Variants in NCAM2 observed in about 807,000 individuals in gnomAD.
The protein encoded by NCAM2 is N-CAM-2.
Under a neutral mutation model 98.1 loss-of-function variants are expected in NCAM2, and 30 were observed. The ratio of observed to expected loss-of-function variants is 0.31; its 90% CI spans 0.23 to 0.41. The LOEUF (loss-of-function observed/expected upper bound fraction) is 0.41. NCAM2 is among the 10% of genes least tolerant of loss of function. The pLI is 1.00. For synonymous variants in NCAM2, 368 were observed against 342.4 expected (o/e 1.07, Z -0.83); for missense variants, 867 against 1,005.8 (o/e 0.86, Z 1.87).
chr21:21,285,365 A>G (rs1270780127), intron 3 of NCAM2, among the ~76,000 whole-genome samples: 1 of 151,772 alleles, frequency 6.6e-6, no homozygotes, highest in East Asian at 1.9e-4. Flanking sequence ...TTGATGACCA[A>G]CGCAATTTGT....
intron 7 of NCAM2, 148 bp downstream of exon 7, chr21:21,335,813 G>C (rs144184033): frequency 1.3e-6 from 1 of 771,026 alleles, no homozygotes; most frequent in East Asian, 3.4e-5. Context: ...TCAGCTACCA[G>C]ATAGAATTTT....
intron 1 of NCAM2, among the ~76,000 whole-genome samples, chr21:21,112,658 G>A (rs1487381396): frequency 6.6e-6 from 1 of 152,142 alleles, no homozygotes; most frequent in African/African-American, 2.4e-5. Context: ...CCTATGAAGA[G>A]AAAACTTTTA....
At chr21:21,245,262 G>C (rs1422282407) in intron 1 of NCAM2, among the ~76,000 whole-genome samples, 1 of 151,934 alleles carries the variant, frequency 6.6e-6, no homozygotes, top group Non-Finnish European at 1.5e-5. Context: ...TGCTACACTC[G>C]CCATTTCCAT....
chr21:21,255,223 T>C (rs577773395), intron 1 of NCAM2, among the ~76,000 whole-genome samples: 1 of 152,236 alleles, frequency 6.6e-6, no homozygotes, highest in African/African-American at 2.4e-5. Context: ...CCCGAGTACG[T>C]TGGAGTACAC....
intron 9 of NCAM2, among the ~76,000 whole-genome samples, chr21:21,385,442 A>G (rs991655267): frequency 6.6e-6 from 1 of 151,692 alleles, no homozygotes; most frequent in Non-Finnish European, 1.5e-5. Context: ...ACAGTCTTAT[A>G]CCACCTGAAC....
At chr21:21,450,300 GTT>G (rs1980834913) in intron 12 of NCAM2, among the ~76,000 whole-genome samples, 1 of 149,852 alleles carries the variant, frequency 6.7e-6, no homozygotes, top group Non-Finnish European at 1.5e-5. Context: ...GTGTGTGTGT[GTT>G]TGTGTGTGTG....
At chr21:21,022,964 A>G (rs1283925373) in intron 1 of NCAM2, among the ~76,000 whole-genome samples, 1 of 152,188 alleles carries the variant, frequency 6.6e-6, no homozygotes, top group Non-Finnish European at 1.5e-5. Flanking sequence ...TTTACATAAA[A>G]TATTTACTTT....
chr21:21,246,766 T>C (rs2071285928), intron 1 of NCAM2, among the ~76,000 whole-genome samples: 1 of 152,222 alleles, frequency 6.6e-6, no homozygotes, highest in Non-Finnish European at 1.5e-5. Context: ...AAATTTTAAA[T>C]TTAAACATGC....
chr21:21,489,571 T>C (rs964107772), intron 15 of NCAM2, among the ~76,000 whole-genome samples: 1 of 152,160 alleles, frequency 6.6e-6, no homozygotes, highest in Non-Finnish European at 1.5e-5. Context: ...CTTTGTGGTA[T>C]AGAAATATGT....
intron 1 of NCAM2, among the ~76,000 whole-genome samples, chr21:21,258,788 A>T (rs1013782942): frequency 6.6e-6 from 1 of 151,980 alleles, no homozygotes; most frequent in African/African-American, 2.4e-5. Context: ...ACATACCCAC[A>T]TGACTCTCTC....
chr21:21,081,250 C>T (rs935656921), intron 1 of NCAM2, among the ~76,000 whole-genome samples: 1 of 152,166 alleles, frequency 6.6e-6, no homozygotes, highest in Non-Finnish European at 1.5e-5. Context: ...TCTTAATGCA[C>T]ATGCTGGAGC....
At chr21:21,099,997 G>T (rs1169835141) in intron 1 of NCAM2, among the ~76,000 whole-genome samples, 1 of 151,772 alleles carries the variant, frequency 6.6e-6, no homozygotes, top group East Asian at 1.9e-4. Context: ...TATTTCTAGT[G>T]TGTCTTTTTC....
chr21:21,431,123 T>G (rs9977228), intron 11 of NCAM2, among the ~76,000 whole-genome samples: 1 of 141,238 alleles, frequency 7.1e-6, no homozygotes. Flanking sequence ...TAATATATGT[T>G]TGTGTGTGTG....
chr21:21,172,035 A>G (rs918751263), intron 1 of NCAM2, among the ~76,000 whole-genome samples: 3 of 152,192 alleles, frequency 2.0e-5, no homozygotes, highest in African/African-American at 4.8e-5. Flanking sequence ...ATAAATCAGC[A>G]TAACACACAT....
At chr21:21,342,001 T>C (rs1568955552) in intron 8 of NCAM2, among the ~76,000 whole-genome samples, 1 of 152,138 alleles carries the variant, frequency 6.6e-6, no homozygotes. Flanking sequence ...ATTTAATTTT[T>C]TGTGCCCCCA....
At chr21:21,076,518 A>G (rs1329944655) in intron 1 of NCAM2, among the ~76,000 whole-genome samples, 1 of 152,144 alleles carries the variant, frequency 6.6e-6, no homozygotes, top group Non-Finnish European at 1.5e-5. Flanking sequence ...GAAACATGCC[A>G]TTCCCTCTTC....
intron 1 of NCAM2, among the ~76,000 whole-genome samples, chr21:21,132,282 C>T (rs1350502884): frequency 1.3e-5 from 2 of 152,168 alleles, no homozygotes; most frequent in Non-Finnish European, 2.9e-5. Context: ...CCCTGACTCC[C>T]ACCCTCTTTT....
At chr21:21,007,921 C>T (rs749817092) in intron 1 of NCAM2, among the ~76,000 whole-genome samples, 11 of 152,202 alleles carry the variant, frequency 7.2e-5, no homozygotes, top group Middle Eastern at 3.4e-3. Flanking sequence ...GTGATTCAGA[C>T]GCCTCTGACG....
chr21:21,421,033 T>G (rs1422537069), intron 11 of NCAM2, among the ~76,000 whole-genome samples: 1 of 151,726 alleles, frequency 6.6e-6, no homozygotes, highest in Non-Finnish European at 1.5e-5. Context: ...GATCAATATA[T>G]GTATATATAA....
Sources: allele counts gnomAD v4.1 joint callset (sites outside exome capture counted in the v4.1 genomes callset), GRCh38; gene constraint gnomAD v4.1.1; transcripts MANE v1.5; gene names NCBI Gene and HGNC (gene_info 2026-07-23, HGNC 2026-07-21).